The following TMEM65 variants were observed in gnomAD, a reference collection of about 807,000 sequenced individuals.
The protein encoded by TMEM65 is transmembrane protein 65.
A neutral mutation model predicts 25.4 loss-of-function variants in TMEM65; 22 were observed. The observed-to-expected ratio is 0.86, with a 90% CI of 0.62 to 1.23. The LOEUF (loss-of-function observed/expected upper bound fraction) is 1.23, where lower values mean the gene tolerates loss of function less well. TMEM65 is among the 50% of genes most tolerant of loss of function. The pLI, the probability that TMEM65 is intolerant of heterozygous loss-of-function variation, is 0.00. For missense variants in TMEM65, 262 were observed against 308.2 expected (o/e 0.85, Z 1.12); for synonymous variants, 132 against 126.2 (o/e 1.05, Z -0.31).
At chr8:124,327,554 C>T (rs1385511804) in intron 2 of TMEM65, 133 bp from the exon 3 acceptor site, 24 of 572,528 alleles carry the variant, frequency 4.2e-5, no homozygotes, top group Non-Finnish European at 3.0e-6. Context: ...TTTCCAGAGC[C>T]AATAGATGCT....
At chr8:124,358,110 A>G (rs1356968932) in intron 1 of TMEM65, among the ~76,000 whole-genome samples, 1 of 152,126 alleles carries the variant, frequency 6.6e-6, no homozygotes, top group Non-Finnish European at 1.5e-5. Flanking sequence ...GATTACAGGC[A>G]TGAGCCACTG....
At chr8:124,357,475 T>C (rs1214749643) in intron 1 of TMEM65, among the ~76,000 whole-genome samples, 2 of 152,160 alleles carry the variant, frequency 1.3e-5, no homozygotes. Flanking sequence ...GGTTAGAGAT[T>C]TATGAGTTAC....
chr8:124,318,369 G>GTTTTTTTTT (rs35876350), intron 6 of TMEM65, among the ~76,000 whole-genome samples: 8 of 64,936 alleles, frequency 1.2e-4, no homozygotes, highest in Non-Finnish European at 1.6e-4. Context: ...GCATGTTTTT[G>GTTTTTTTTT]TTTTTTTTTT....
intron 1 of TMEM65, among the ~76,000 whole-genome samples, chr8:124,362,290 G>T (rs1278205195): frequency 6.6e-6 from 1 of 152,110 alleles, no homozygotes; most frequent in Non-Finnish European, 1.5e-5. Context: ...ATATTTGAAG[G>T]TTGTTTCAAA....
rs1814142275 is a variant in TMEM65, at chr8:124,310,447, A to G, written c.*3513T>C. On this transcript the variant is annotated 3_prime_UTR_variant, in exon 7 of 7. Transcript: ENST00000297632. ...GCAACTGATGTCCCTACTGCCTAGC[A>G]GTTAAGAAGACAGGCTTCATACTTG... The G allele has an allele frequency of 6.6e-6, 1 of 152,220 alleles. No homozygotes were observed. The highest frequency in any genetic ancestry group is 2.4e-5 in the African/African-American group (1 of 41,454). The allele number at this position is 152,220 out of a possible 1,614,324, so 9.4% of individuals were successfully genotyped here. A position where few individuals can be genotyped will look rare whatever the true frequency, so the allele number is the denominator to read the frequency against.
In TMEM65 at chr8:124,310,577, T is replaced by A. The variant is rs1319838182; in HGVS notation, c.*3383A>T. The A allele has an allele frequency of 6.6e-6, 1 of 152,142 alleles. No individual in the cohort carries two copies. Among genetic ancestry groups the A allele is most frequent in the Non-Finnish European group, 1.5e-5 (1 of 68,012 alleles). 9.4% of individuals were successfully genotyped at this position (152,142 alleles called of 1,614,324 possible). The stretch of plus-strand genomic sequence containing the variant: ...AGATGATAATGATAATAGCCCCAAC[T>A]TAATGTTGTCATTAAGGTGATTAAA... On this transcript the variant is annotated 3_prime_UTR_variant, in exon 7 of 7. Transcript: ENST00000297632.
Position 124,309,849 on chromosome 8 carries a change from G to A in TMEM65, c.*4111C>T, listed in dbSNP as rs1814134183. 1 of 152,206 alleles carries A rather than the reference G, an allele frequency of 6.6e-6. No homozygotes were observed. Among genetic ancestry groups the A allele is most frequent in the South Asian group, 2.1e-4 (1 of 4,818 alleles). The allele number at this position is 152,206 out of a possible 1,614,324, so 9.4% of individuals were successfully genotyped here. ...GTGGACCACCTGAGGTCAGGAGTCT[G>A]AGGCCAGCCTGGCCAACATGGTGAA... On this transcript the variant is annotated 3_prime_UTR_variant, in exon 7 of 7. Coordinates refer to ENST00000297632, the MANE Select transcript of TMEM65 (RefSeq NM_194291.3).
intron 1 of TMEM65, among the ~76,000 whole-genome samples, chr8:124,356,807 T>C (rs1225626486): frequency 1.5e-5 from 2 of 130,124 alleles, no homozygotes; most frequent in African/African-American, 5.5e-5. Context: ...TCCCAGGCTA[T>C]AGTGTTCTTC....
chr8:124,333,474 T>TGTGC (rs1814462385), intron 1 of TMEM65, among the ~76,000 whole-genome samples: 1 of 130,282 alleles, frequency 7.7e-6, no homozygotes, highest in African/African-American at 3.0e-5. Context: ...TGTGTGCGTG[T>TGTGC]GTGTGTGTGT....
chr8:124,325,647 T>C (rs1229691983), intron 3 of TMEM65, among the ~76,000 whole-genome samples: 2 of 151,968 alleles, frequency 1.3e-5, no homozygotes, highest in African/African-American at 2.4e-5. Flanking sequence ...TATTACTAAT[T>C]TGGAGTCAGC....
At position 124,330,796 on chromosome 8, in the gene TMEM65, A is replaced by C. The variant is rs567307165; in HGVS notation, c.305-4T>G. ...GGTGGTGGAGCTTCCAATTTTTCTA[A>C]AGGGGAGAAAAAGGATGTGGGGCAA... On this transcript the variant is annotated splice_polypyrimidine_tract_variant and splice_region_variant and intron_variant, in intron 1 of 6. Coordinates refer to ENST00000297632, the MANE Select transcript of TMEM65 (RefSeq NM_194291.3). 6.3e-6 allele frequency: 10 copies of C among 1,578,708 alleles called. No individual in the cohort carries two copies. In the East Asian group the frequency reaches 2.2e-4, roughly 34 times the overall value.
chr8:124,347,989 C>A (rs914349331), intron 1 of TMEM65, among the ~76,000 whole-genome samples: 1 of 151,184 alleles, frequency 6.6e-6, no homozygotes, highest in African/African-American at 2.4e-5. Context: ...CTCCCAGGTT[C>A]AAGCGATTCT....
At chr8:124,317,312 T>C (rs1256089188) in intron 6 of TMEM65, among the ~76,000 whole-genome samples, 1 of 152,172 alleles carries the variant, frequency 6.6e-6, no homozygotes, top group Non-Finnish European at 1.5e-5. Context: ...CCATAGAAAT[T>C]GCTCAGAAAT....
At chr8:124,325,226 C>G (rs1472653416) in intron 3 of TMEM65, among the ~76,000 whole-genome samples, 7 of 151,904 alleles carry the variant, frequency 4.6e-5, no homozygotes, top group Admixed American at 4.6e-4. Flanking sequence ...CAACTATCTC[C>G]TCAACTTACT....
At chr8:124,330,818 G>T in intron 1 of TMEM65, 26 bp from the exon 2 acceptor site, 2 of 1,570,570 alleles carry the variant, frequency 1.3e-6, no homozygotes, top group South Asian at 1.2e-5. Context: ...AGGATGTGGG[G>T]CAAGAATTAG....
intron 1 of TMEM65, among the ~76,000 whole-genome samples, chr8:124,334,490 G>A (rs1196088474): frequency 1.3e-5 from 2 of 152,000 alleles, no homozygotes; most frequent in African/African-American, 4.8e-5. Context: ...CTGGGGCTGG[G>A]CACGGTGGCT....
At chr8:124,346,382 T>C (rs1814640832) in intron 1 of TMEM65, among the ~76,000 whole-genome samples, 1 of 152,108 alleles carries the variant, frequency 6.6e-6, no homozygotes, top group Non-Finnish European at 1.5e-5. Context: ...AAATCCATAC[T>C]TGAAATAAAA....
chr8:124,371,540 A>C (rs1335410488), intron 1 of TMEM65, among the ~76,000 whole-genome samples: 16 of 152,234 alleles, frequency 1.1e-4, no homozygotes, highest in Admixed American at 1.0e-3. Flanking sequence ...GGGCAAATCA[A>C]AACTCAATCC....
chr8:124,319,104 G>A (rs182014544), intron 6 of TMEM65, among the ~76,000 whole-genome samples: 2 of 152,106 alleles, frequency 1.3e-5, no homozygotes, highest in Admixed American at 6.6e-5. Context: ...CATATAATAC[G>A]TAAACAATAA....
Sources: gnomAD v4.1 joint callset for allele counts (sites outside exome capture counted in the v4.1 genomes callset) on GRCh38, gnomAD v4.1.1 for gene constraint, MANE v1.5 for transcripts, NCBI Gene and HGNC (gene_info 2026-07-23, HGNC 2026-07-21) for gene names.